Variants in FHOD3 observed in about 807,000 individuals in gnomAD.
FHOD3 encodes FH1/FH2 domain-containing protein 3.
Under a neutral mutation model 173.0 loss-of-function variants are expected in FHOD3, and 90 were observed. The observed-to-expected ratio is 0.52, with a 90% CI of 0.44 to 0.62. FHOD3 has a LOEUF of 0.62. Among genes scored for constraint, FHOD3 ranks in the 20% least tolerant of loss-of-function variants. The probability of loss-of-function intolerance (pLI) is 0.00; values close to 1 mark genes in which losing one functional copy is unlikely to be tolerated. For missense variants in FHOD3, 1,945 were observed against 2,034.7 expected, an observed-to-expected ratio of 0.96 and a Z score of 0.85; for synonymous variants, 828 against 823.0, an observed-to-expected ratio of 1.01 and a Z score of -0.10.
intron 10 of FHOD3, among the ~76,000 whole-genome samples, chr18:36,627,769 C>G (rs1433368464): frequency 6.6e-6 from 1 of 152,122 alleles, no homozygotes; most frequent in Admixed American, 6.5e-5. Flanking sequence ...AGTGGGAATG[C>G]AGTGGTGAAA....
chr18:36,649,468 T>A, intron 11 of FHOD3, 63 bp downstream of exon 11: 2 of 1,292,656 alleles, frequency 1.5e-6, no homozygotes, highest in South Asian at 1.3e-5. Flanking sequence ...CTAATGATAG[T>A]TCACTGCCTT....
At chr18:36,590,586 T>G (rs992774223) in intron 6 of FHOD3, among the ~76,000 whole-genome samples, 5 of 152,198 alleles carry the variant, frequency 3.3e-5, no homozygotes, top group African/African-American at 1.2e-4. Flanking sequence ...TTATTATTAA[T>G]TTACATAGTA....
chr18:36,733,236 T>G (rs917693918), intron 20 of FHOD3, among the ~76,000 whole-genome samples: 2 of 152,228 alleles, frequency 1.3e-5, no homozygotes, highest in Non-Finnish European at 2.9e-5. Flanking sequence ...GCAACCCCCC[T>G]GGCCTTCCAA....
At chr18:36,611,717 C>G (rs1599867487) in intron 8 of FHOD3, among the ~76,000 whole-genome samples, 1 of 152,318 alleles carries the variant, frequency 6.6e-6, no homozygotes, top group East Asian at 1.9e-4. Flanking sequence ...GAGTGCCCAG[C>G]CCACACTCAA....
chr18:36,476,988 A>C (rs578208319), intron 3 of FHOD3, among the ~76,000 whole-genome samples: 6 of 152,360 alleles, frequency 3.9e-5, no homozygotes, highest in African/African-American at 1.4e-4. Flanking sequence ...CAGTGTCATA[A>C]ATAAATGGGG....
chr18:36,332,807 G>C (rs899483046), intron 1 of FHOD3, among the ~76,000 whole-genome samples: 1 of 152,176 alleles, frequency 6.6e-6, no homozygotes, highest in African/African-American at 2.4e-5. Context: ...CCCTCTGCCT[G>C]GGCCCCAGCC....
chr18:36,299,657 G>A (rs2091904940), intron 1 of FHOD3, among the ~76,000 whole-genome samples: 1 of 152,150 alleles, frequency 6.6e-6, no homozygotes. Context: ...AGAAAATCCT[G>A]ATGCTCCTCC....
At chr18:36,582,617 A>T (rs992931075) in intron 6 of FHOD3, among the ~76,000 whole-genome samples, 2 of 152,234 alleles carry the variant, frequency 1.3e-5, no homozygotes, top group East Asian at 3.9e-4. Context: ...ACAGGCAGTT[A>T]CCATGTGAAC....
At chr18:36,733,044 C>A (rs1484387929) in intron 20 of FHOD3, among the ~76,000 whole-genome samples, 1 of 152,152 alleles carries the variant, frequency 6.6e-6, no homozygotes, top group Non-Finnish European at 1.5e-5. Flanking sequence ...ATTAACATTG[C>A]CGACCTCCCA....
intron 3 of FHOD3, among the ~76,000 whole-genome samples, chr18:36,445,529 T>C (rs2051415951): frequency 6.6e-6 from 1 of 152,180 alleles, no homozygotes; most frequent in Admixed American, 6.5e-5. Context: ...AGTAAACAAA[T>C]TGTAAATGGA....
At chr18:36,332,058 G>A (rs1306283278) in intron 1 of FHOD3, among the ~76,000 whole-genome samples, 1 of 152,206 alleles carries the variant, frequency 6.6e-6, no homozygotes, top group African/African-American at 2.4e-5. Flanking sequence ...CTCCTCACCA[G>A]TCCCTTCCTC....
intron 10 of FHOD3, among the ~76,000 whole-genome samples, chr18:36,647,156 C>T (rs1191207279): frequency 6.6e-6 from 1 of 152,134 alleles, no homozygotes; most frequent in African/African-American, 2.4e-5. Flanking sequence ...GCAGGAGAAT[C>T]GCTTGACCCG....
intron 5 of FHOD3, among the ~76,000 whole-genome samples, chr18:36,574,218 G>T (rs2058563210): frequency 6.6e-6 from 1 of 152,184 alleles, no homozygotes; most frequent in African/African-American, 2.4e-5. Flanking sequence ...CTACCAGTTT[G>T]CCCTACCACC....
chr18:36,733,453 A>G (rs554427823), intron 20 of FHOD3, among the ~76,000 whole-genome samples: 2 of 152,346 alleles, frequency 1.3e-5, no homozygotes, highest in African/African-American at 2.4e-5. Flanking sequence ...GATTAAAAGA[A>G]TAGATGGACA....
chr18:36,407,282 A>G (rs147453646), intron 3 of FHOD3, among the ~76,000 whole-genome samples: 246 of 152,338 alleles, frequency 1.6e-3, no homozygotes, highest in African/African-American at 5.7e-3. Context: ...CAGCCATATT[A>G]AAAAGTAGTA....
rs190392915 is a variant in FHOD3, at chr18:36,499,185, T to A, written c.338-2747T>A. Among the ~76,000 whole-genome samples, 318 of 152,216 alleles carry A rather than the reference T, an allele frequency of 2.1e-3. 2 individuals carry two copies. The highest frequency in any genetic ancestry group is 7.3e-3 in the African/African-American group (303 of 41,538). On this transcript the variant is annotated intron_variant, in intron 3 of 28. Coordinates refer to ENST00000590592, the MANE Select transcript of FHOD3 (RefSeq NM_001281740.3). ...GTGACATGATCTCAGCTCACTGCAA[T>A]CCCCACCTCCCAGGTTCACGAGATT...
At chr18:36,441,634 T>C (rs984973786) in intron 3 of FHOD3, among the ~76,000 whole-genome samples, 5 of 152,314 alleles carry the variant, frequency 3.3e-5, no homozygotes, top group Admixed American at 3.3e-4. Flanking sequence ...TTTAAGCTTA[T>C]GATAGAGATG....
intron 1 of FHOD3, among the ~76,000 whole-genome samples, chr18:36,343,294 A>C (rs1168765630): frequency 6.6e-6 from 1 of 152,258 alleles, no homozygotes; most frequent in African/African-American, 2.4e-5. Flanking sequence ...ATAAAATGTG[A>C]TATATCCATG....
intron 9 of FHOD3, among the ~76,000 whole-genome samples, chr18:36,613,853 A>G (rs1313610291): frequency 6.6e-6 from 1 of 151,952 alleles, no homozygotes; most frequent in Non-Finnish European, 1.5e-5. Context: ...TTTATATTTT[A>G]GTAGAGACAG....
Sources: gnomAD v4.1 joint callset for allele counts (sites outside exome capture counted in the v4.1 genomes callset) on GRCh38, gnomAD v4.1.1 for gene constraint, MANE v1.5 for transcripts, NCBI Gene and HGNC (gene_info 2026-07-23, HGNC 2026-07-21) for gene names.